PTPN4: variants seen among roughly 807,000 people sequenced by gnomAD.
PTPN4 encodes the protein tyrosine-protein phosphatase non-receptor type 4.
In PTPN4, 49 loss-of-function variants were observed where a neutral mutation model predicts 135.5. The ratio of observed to expected loss-of-function variants is 0.36; its 90% confidence interval spans 0.29 to 0.46. The LOEUF is 0.46. Ranked by LOEUF, PTPN4 falls within the 20% of genes least tolerant of loss-of-function variation. The probability of loss-of-function intolerance (pLI) is 1.00; values close to 1 mark genes in which losing one functional copy is unlikely to be tolerated. For missense variants in PTPN4, 860 were observed against 1,101.0 expected (o/e 0.78, Z 3.10); for synonymous variants, 333 against 369.9 (o/e 0.90, Z 1.14).
chr2:119,920,339 C>A, intron 12 of PTPN4, 98 bp downstream of exon 12: 1 of 1,335,408 alleles, frequency 7.5e-7, no homozygotes, highest in Non-Finnish European at 1.0e-6. Flanking sequence ...CTTTGTTACA[C>A]AAACTTAACT....
At chr2:119,845,229 G>A (rs1447556280) in intron 2 of PTPN4, among the ~76,000 whole-genome samples, 5 of 119,632 alleles carry the variant, frequency 4.2e-5, no homozygotes, top group East Asian at 2.5e-4. Context: ...GAGGGAGACC[G>A]TGGGGAGAGG....
In PTPN4 at chr2:119,952,093, C is replaced by G; in HGVS notation, c.1777C>G (p.His593Asp). Residue 593 changes from histidine (H) to aspartate (D), a missense_variant, in exon 19 of 27, where the codon CAT (histidine) becomes GAT (aspartate). Physicochemically the swap from His to Asp is moderately conservative, Grantham distance 81 (BLOSUM62 -1). Transcript: ENST00000263708. ...GTTTATTAAAGCTAGTTGTGAGAGA[C>G]ATTCTGGGGAACTCATGCTTCTAGT... is the stretch of plus-strand genomic sequence containing the variant. ...VLFIKASCER[H>D]SGELMLLVRP... is the part of the protein sequence containing the mutation. 2 of 1,613,116 alleles carry G rather than the reference C, an allele frequency of 1.2e-6. No individual in the cohort carries two copies. The highest frequency in any genetic ancestry group is 1.3e-5 in the African/African-American group (1 of 74,998).
rs1679705808 is a variant in PTPN4, at chr2:119,982,201, G to A, written c.*5131G>A. 1 of 152,150 alleles carries A rather than the reference G, an allele frequency of 6.6e-6. No homozygotes were observed. The highest frequency in any genetic ancestry group is 1.5e-5 in the Non-Finnish European group (1 of 68,018). The allele number at this position is 152,150 out of a possible 1,614,324, so 9.4% of individuals were successfully genotyped here. On this transcript the variant is annotated 3_prime_UTR_variant, in exon 27 of 27. Coordinates refer to ENST00000263708, the MANE Select transcript of PTPN4 (RefSeq NM_002830.4). ...AAAAGTTTCATTTAAACACTGTAGA[G>A]TTTCCTACCTTTGTTGTGTAAAGGA...
In PTPN4 at chr2:119,955,334, T is replaced by C. The variant is rs780024360; in HGVS notation, c.1980+11T>C. 5 of 1,545,600 alleles carry C rather than the reference T, an allele frequency of 3.2e-6. No homozygotes were observed. The highest frequency in any genetic ancestry group is 2.1e-5 in the Admixed American group (1 of 47,978). On this transcript the variant is annotated intron_variant, in intron 20 of 26. Coordinates refer to ENST00000263708, the MANE Select transcript of PTPN4 (RefSeq NM_002830.4). ...CTGACACAGTTTGATGTAAGTAATA[T>C]CATTATATATTAAAAGCATTTTGCT...
chr2:119,784,835 G>C (rs984775204), intron 1 of PTPN4, among the ~76,000 whole-genome samples: 1 of 151,866 alleles, frequency 6.6e-6, no homozygotes, highest in Non-Finnish European at 1.5e-5. Flanking sequence ...ACCATGCCTG[G>C]TCAGTCTTCT....
At chr2:119,891,983 A>C (rs189636570) in intron 9 of PTPN4, among the ~76,000 whole-genome samples, 9 of 152,330 alleles carry the variant, frequency 5.9e-5, no homozygotes, top group Admixed American at 5.9e-4. Flanking sequence ...TAGGGTACAT[A>C]GACTTCGATT....
At chr2:119,953,783 A>T (rs1679241515) in intron 19 of PTPN4, among the ~76,000 whole-genome samples, 1 of 152,154 alleles carries the variant, frequency 6.6e-6, no homozygotes, top group Admixed American at 6.6e-5. Flanking sequence ...AGCTGAAGAT[A>T]CTTTGACACC....
rs78507319 is a variant in PTPN4 at position 119,813,105 on chromosome 2, A to G, written c.138+3114A>G. Among the ~76,000 whole-genome samples the G allele has an allele frequency of 3.0e-3, 458 of 152,286 alleles. 2 individuals carry two copies. The highest frequency in any genetic ancestry group is 0.01 in the African/African-American group (432 of 41,566). ...CATTATGTATCAGTCCTCGGCTGGAAGACTCAAAGGCTGGAGGCTAGAATC... is the reference window on the plus strand; with the variant it reads ...CATTATGTATCAGTCCTCGGCTGGAGGACTCAAAGGCTGGAGGCTAGAATC... On this transcript the variant is annotated intron_variant, in intron 2 of 26. Coordinates refer to ENST00000263708, the MANE Select transcript of PTPN4 (RefSeq NM_002830.4).
chr2:119,955,448 G>A, intron 20 of PTPN4, 125 bp downstream of exon 20: 3 of 853,388 alleles, frequency 3.5e-6, no homozygotes, highest in Non-Finnish European at 1.6e-6. Flanking sequence ...AGAAATGTTT[G>A]ACATAAAGAG....
chr2:119,890,925 C>T (rs913509645), intron 9 of PTPN4, among the ~76,000 whole-genome samples: 11 of 152,042 alleles, frequency 7.2e-5, no homozygotes, highest in East Asian at 1.9e-4. Context: ...TATTGTCTTC[C>T]GGCCTATAAA....
intron 18 of PTPN4, among the ~76,000 whole-genome samples, chr2:119,947,457 T>C (rs969603411): frequency 1.3e-5 from 2 of 152,128 alleles, no homozygotes; most frequent in Non-Finnish European, 2.9e-5. Flanking sequence ...ACTCATGGAA[T>C]ACCCCTGGCA....
At chr2:119,817,706 T>G (rs565259935) in intron 2 of PTPN4, among the ~76,000 whole-genome samples, 2 of 152,190 alleles carry the variant, frequency 1.3e-5, no homozygotes, top group African/African-American at 2.4e-5. Flanking sequence ...TTGAAGAATG[T>G]CAATGGTAGT....
At chr2:119,831,277 C>A (rs1287188471) in intron 2 of PTPN4, among the ~76,000 whole-genome samples, 1 of 152,154 alleles carries the variant, frequency 6.6e-6, no homozygotes, top group Non-Finnish European at 1.5e-5. Context: ...TCACCTCCTG[C>A]TTTGTGGCCT....
chr2:119,950,256 T>G (rs960179962), intron 18 of PTPN4, among the ~76,000 whole-genome samples: 1 of 152,164 alleles, frequency 6.6e-6, no homozygotes, highest in Non-Finnish European at 1.5e-5. Context: ...TACAAAAACT[T>G]GGAACTAATT....
At chr2:119,960,221 A>C (rs1679347133) in intron 22 of PTPN4, among the ~76,000 whole-genome samples, 1 of 152,180 alleles carries the variant, frequency 6.6e-6, no homozygotes, top group African/African-American at 2.4e-5. Context: ...CCTTTTTAAA[A>C]AAAATTTAAT....
intron 2 of PTPN4, among the ~76,000 whole-genome samples, chr2:119,848,819 T>G (rs1677547309): frequency 6.6e-6 from 1 of 151,842 alleles, no homozygotes. Flanking sequence ...CAGGCTGGTC[T>G]CAAACTTCTG....
chr2:119,934,264 T>C (rs1038622001), intron 14 of PTPN4, among the ~76,000 whole-genome samples: 3 of 152,218 alleles, frequency 2.0e-5, no homozygotes, highest in Admixed American at 6.5e-5. Flanking sequence ...AGTACTGTTA[T>C]GAGGATTAAA....
chr2:119,964,378 A>G (rs533581072), intron 24 of PTPN4, among the ~76,000 whole-genome samples: 27 of 152,364 alleles, frequency 1.8e-4, no homozygotes, highest in African/African-American at 6.5e-4. Flanking sequence ...TGTCTCCGTT[A>G]TACCAACCTT....
In PTPN4 at chr2:119,979,310, T is replaced by C. The variant is rs1446025977; in HGVS notation, c.*2240T>C. On this transcript the variant is annotated 3_prime_UTR_variant, in exon 27 of 27. Transcript: ENST00000263708. The stretch of plus-strand genomic sequence containing the variant: ...AAGTCATGGTTGGCATGTTCTTTAA[T>C]TTAGGGCCTTGTTTATACTTGTGAG... The C allele has an allele frequency of 2.0e-5, 3 of 152,142 alleles. No individual in the cohort carries two copies. Among genetic ancestry groups the C allele is most frequent in the Non-Finnish European group, 4.4e-5 (3 of 67,974 alleles). The allele number at this position is 152,142 out of a possible 1,614,324, so 9.4% of individuals were successfully genotyped here.
Sources: gnomAD v4.1 joint callset for allele counts (sites outside exome capture counted in the v4.1 genomes callset) on GRCh38, gnomAD v4.1.1 for gene constraint, MANE v1.5 for transcripts, NCBI Gene and HGNC (gene_info 2026-07-23, HGNC 2026-07-21) for gene names.